Variants in CUEDC1 observed in about 807,000 individuals in gnomAD.
CUEDC1 encodes CUE domain containing 1.
CUEDC1 carries 30 observed loss-of-function variants against 43.7 expected under a neutral mutation model. The ratio of observed to expected loss-of-function variants is 0.69; its 90% CI spans 0.51 to 0.93. CUEDC1 has a LOEUF of 0.93. Ranked by LOEUF, CUEDC1 falls within the 40% of genes least tolerant of loss-of-function variation. The pLI is 0.00. For synonymous variants in CUEDC1, 223 were observed against 223.6 expected, an observed-to-expected ratio of 1.00 and a Z score of 0.02; for missense variants, 486 against 549.0, an observed-to-expected ratio of 0.89 and a Z score of 1.15.
chr17:57,932,281 C>CAAAAAAAAAAAAAAAAAAAAAAAA (rs56137797), intron 1 of CUEDC1, among the ~76,000 whole-genome samples: 2 of 121,964 alleles, frequency 1.6e-5, no homozygotes, highest in African/African-American at 4.4e-5. Context: ...CACTGTGTCT[C>CAAAAAAAAAAAAAAAAAAAAAAAA]AAAAAAAAAA....
intron 1 of CUEDC1, among the ~76,000 whole-genome samples, chr17:57,913,803 G>A (rs2143072587): frequency 6.6e-6 from 1 of 152,246 alleles, no homozygotes; most frequent in South Asian, 2.1e-4. Flanking sequence ...GCCACCACTG[G>A]CCAGCACCCC....
At chr17:57,871,515 C>A in intron 5 of CUEDC1, 146 bp from the exon 6 acceptor site, 1 of 622,186 alleles carries the variant, frequency 1.6e-6, no homozygotes, top group South Asian at 1.9e-5. Context: ...TGAGTGCACA[C>A]ATCTACCAGC....
At chr17:57,919,195 G>A (rs2074675617) in intron 1 of CUEDC1, among the ~76,000 whole-genome samples, 1 of 150,762 alleles carries the variant, frequency 6.6e-6, no homozygotes, top group Non-Finnish European at 1.5e-5. Context: ...TTTTTCTTTT[G>A]TGAGACGGAG....
chr17:57,872,885 G>A (rs777546350), intron 4 of CUEDC1, 30 bp from the exon 5 acceptor site: 9 of 1,593,544 alleles, frequency 5.6e-6, no homozygotes, highest in Non-Finnish European at 8.6e-7. Context: ...TGTTGAATGT[G>A]TACACACAAG....
At chr17:57,864,000 C>CA (rs71365846) in intron 10 of CUEDC1, among the ~76,000 whole-genome samples, 27,272 of 81,982 alleles carry the variant, frequency 0.33, 3,662 homozygotes, top group African/African-American at 0.38. Context: ...GACTCCATCT[C>CA]AAAAAAAAAA....
At chr17:57,888,638 G>A (rs2074323538) in intron 1 of CUEDC1, among the ~76,000 whole-genome samples, 2 of 152,244 alleles carry the variant, frequency 1.3e-5, no homozygotes, top group African/African-American at 2.4e-5. Context: ...AGAGTATGCA[G>A]CTTCGCCTGG....
At chr17:57,898,915 G>A (rs1328686654) in intron 1 of CUEDC1, among the ~76,000 whole-genome samples, 3 of 152,172 alleles carry the variant, frequency 2.0e-5, no homozygotes, top group Non-Finnish European at 4.4e-5. Flanking sequence ...AATGCAGGGT[G>A]CCCACTCCTA....
At chr17:57,868,085 C>G (rs995344662) in intron 8 of CUEDC1, 65 bp downstream of exon 8, 3 of 1,359,290 alleles carry the variant, frequency 2.2e-6, no homozygotes, top group Non-Finnish European at 3.2e-6. Flanking sequence ...GGGAGTCCAA[C>G]AGGGGTCTTG....
At chr17:57,945,220 C>A (rs2074949797) in intron 1 of CUEDC1, among the ~76,000 whole-genome samples, 1 of 152,196 alleles carries the variant, frequency 6.6e-6, no homozygotes, top group Non-Finnish European at 1.5e-5. Flanking sequence ...CCTGCTTTGC[C>A]ACCACAACTC....
chr17:57,950,078 G>A (rs1189381422), intron 1 of CUEDC1, among the ~76,000 whole-genome samples: 1 of 152,176 alleles, frequency 6.6e-6, no homozygotes, highest in Non-Finnish European at 1.5e-5. Context: ...GAAAGGGTCC[G>A]ACCCCTCTGT....
chr17:57,916,313 G>A (rs1310877486), intron 1 of CUEDC1, among the ~76,000 whole-genome samples: 23 of 152,256 alleles, frequency 1.5e-4, no homozygotes. Context: ...CAGGACAGGA[G>A]CCATGCAGCG....
chr17:57,880,497 C>T (rs914587295), intron 2 of CUEDC1, among the ~76,000 whole-genome samples: 3 of 152,148 alleles, frequency 2.0e-5, no homozygotes, highest in Admixed American at 1.3e-4. Context: ...GGGGAGTGCC[C>T]GGGATGCCTG....
intron 1 of CUEDC1, among the ~76,000 whole-genome samples, chr17:57,887,101 G>A (rs998852558): frequency 9.9e-5 from 15 of 151,996 alleles, no homozygotes; most frequent in African/African-American, 3.4e-4. Flanking sequence ...GATTACAGGC[G>A]TGAGCCACCG....
chr17:57,924,026 C>T (rs2074721855), intron 1 of CUEDC1, among the ~76,000 whole-genome samples: 1 of 151,988 alleles, frequency 6.6e-6, no homozygotes, highest in Non-Finnish European at 1.5e-5. Context: ...CCAGGCTGGG[C>T]TCCTGGGCTC....
At position 57,885,838 on chromosome 17, in the gene CUEDC1, AC is replaced by A; in HGVS notation, c.-275del. On this transcript the variant is annotated 5_prime_UTR_variant, in exon 2 of 11. An upstream open reading frame in the 5' UTR loses its in-frame stop. Coordinates refer to ENST00000577830, the MANE Select transcript of CUEDC1 (RefSeq NM_001271875.2). Reference sequence around the variant, plus strand: ...TGGGGCTGGGCGGCCGGTCATCCACACCCCCGGTGCATCCTGGCACCGGTTT... The same window carrying A: ...TGGGGCTGGGCGGCCGGTCATCCACACCCCGGTGCATCCTGGCACCGGTTT... The A allele has an allele frequency of 3.2e-6, 1 of 317,000 alleles. No individual in the cohort carries two copies. The highest frequency in any genetic ancestry group is 5.7e-6 in the Non-Finnish European group (1 of 176,678). The allele number at this position is 317,000 out of a possible 1,614,324, so 19.6% of individuals were successfully genotyped here. A position where few individuals can be genotyped will look rare whatever the true frequency, so the allele number is the denominator to read the frequency against.
At chr17:57,891,162 C>A (rs2074351126) in intron 1 of CUEDC1, among the ~76,000 whole-genome samples, 2 of 152,208 alleles carry the variant, frequency 1.3e-5, no homozygotes, top group Non-Finnish European at 2.9e-5. Context: ...CTCAACTCCA[C>A]ACTCATACAG....
chr17:57,887,740 G>C (rs1280393738), intron 1 of CUEDC1, among the ~76,000 whole-genome samples: 2 of 138,878 alleles, frequency 1.4e-5, no homozygotes, highest in East Asian at 4.4e-4. Flanking sequence ...CCTGACGTCA[G>C]GTGATCTGCC....
chr17:57,953,088 C>G (rs1357359890), intron 1 of CUEDC1, among the ~76,000 whole-genome samples: 1 of 152,148 alleles, frequency 6.6e-6, no homozygotes, highest in African/African-American at 2.4e-5. Flanking sequence ...CAATTCTGCC[C>G]CAAGACCTCC....
At chr17:57,898,965 A>G (rs1345244556) in intron 1 of CUEDC1, among the ~76,000 whole-genome samples, 1 of 152,182 alleles carries the variant, frequency 6.6e-6, no homozygotes, top group East Asian at 1.9e-4. Context: ...CTGTCCCCCA[A>G]GGGAGGGGCT....
Sources: gnomAD v4.1 joint callset for allele counts (sites outside exome capture counted in the v4.1 genomes callset) on GRCh38, gnomAD v4.1.1 for gene constraint, MANE v1.5 for transcripts, NCBI Gene and HGNC (gene_info 2026-07-23, HGNC 2026-07-21) for gene names.